TMTC2: variants seen among roughly 807,000 people sequenced by gnomAD.
The protein encoded by TMTC2 is protein O-mannosyl-transferase TMTC2.
Under a neutral mutation model 82.4 loss-of-function variants are expected in TMTC2, and 43 were observed. The observed-to-expected ratio is 0.52, with a 90% CI of 0.41 to 0.67. The LOEUF (loss-of-function observed/expected upper bound fraction) is 0.67, where lower values mean the gene tolerates loss of function less well. TMTC2 is among the 30% of genes least tolerant of loss of function. TMTC2 has a pLI of 0.00. For missense variants in TMTC2, 919 were observed against 1,012.4 expected (o/e 0.91, Z 1.25); for synonymous variants, 408 against 381.9 (o/e 1.07, Z -0.80).
intron 1 of TMTC2, among the ~76,000 whole-genome samples, chr12:82,818,576 A>G (rs1868889907): frequency 1.3e-5 from 2 of 152,170 alleles, no homozygotes; most frequent in African/African-American, 4.8e-5. Context: ...TTTCCTGTGT[A>G]AATGTAAAGG....
intron 7 of TMTC2, among the ~76,000 whole-genome samples, chr12:82,973,386 C>T (rs779672586): frequency 4.6e-5 from 7 of 151,898 alleles, no homozygotes; most frequent in African/African-American, 7.3e-5. Context: ...ATATAGAGTT[C>T]GCCAGTCCAG....
chr12:82,743,578 C>T (rs1375732787), intron 1 of TMTC2, among the ~76,000 whole-genome samples: 1 of 152,168 alleles, frequency 6.6e-6, no homozygotes, highest in Non-Finnish European at 1.5e-5. Flanking sequence ...ACCCACCTTC[C>T]CTTTCAACCA....
chr12:83,012,563 GGT>G (rs1880507107), intron 8 of TMTC2, among the ~76,000 whole-genome samples: 1 of 152,082 alleles, frequency 6.6e-6, no homozygotes, highest in Non-Finnish European at 1.5e-5. Context: ...AAAATAACAT[GGT>G]AGTCCTATGA....
At position 82,930,803 on chromosome 12, in the gene TMTC2, T is replaced by A. The variant is rs534871765; in HGVS notation, c.1598+258T>A. ...GTATGCCATGTAACATAAATATTGG[T>A]TTAAATATTTTTTAGTTCTTAAAAT... On this transcript the variant is annotated intron_variant, in intron 4 of 11. Coordinates refer to ENST00000321196, the MANE Select transcript of TMTC2 (RefSeq NM_152588.3). Among the ~76,000 whole-genome samples the A allele has an allele frequency of 3.9e-5, 6 of 152,346 alleles. No individual in the cohort carries two copies. In the East Asian group the frequency reaches 1.2e-3, roughly 29 times the overall value.
At chr12:82,889,880 G>A (rs1257619465) in intron 2 of TMTC2, among the ~76,000 whole-genome samples, 1 of 151,780 alleles carries the variant, frequency 6.6e-6, no homozygotes, top group Non-Finnish European at 1.5e-5. Flanking sequence ...TTACCATATT[G>A]AAATTTATAT....
intron 7 of TMTC2, among the ~76,000 whole-genome samples, 164 bp downstream of exon 7, chr12:82,967,161 C>CT (rs1261738476): frequency 6.6e-6 from 1 of 152,098 alleles, no homozygotes; most frequent in Non-Finnish European, 1.5e-5. Flanking sequence ...CATATTTATT[C>CT]TGACATGACA....
At chr12:83,067,029 A>C (rs1882943884) in intron 11 of TMTC2, among the ~76,000 whole-genome samples, 1 of 151,974 alleles carries the variant, frequency 6.6e-6, no homozygotes, top group Non-Finnish European at 1.5e-5. Flanking sequence ...AATGGAGGGA[A>C]TATACAAAAG....
intron 3 of TMTC2, among the ~76,000 whole-genome samples, chr12:82,905,073 T>C (rs1467391887): frequency 6.6e-6 from 1 of 151,446 alleles, no homozygotes; most frequent in African/African-American, 2.4e-5. Context: ...GGTCAATAAA[T>C]ATACAATTGA....
intron 8 of TMTC2, among the ~76,000 whole-genome samples, chr12:83,007,443 T>C (rs1880255373): frequency 6.6e-6 from 1 of 152,180 alleles, no homozygotes; most frequent in Non-Finnish European, 1.5e-5. Context: ...ATTATATTTC[T>C]TTAAAAATTT....
chr12:83,048,437 T>C (rs1176028313), intron 9 of TMTC2, among the ~76,000 whole-genome samples: 1 of 152,190 alleles, frequency 6.6e-6, no homozygotes, highest in Non-Finnish European at 1.5e-5. Flanking sequence ...CAAGAATTAG[T>C]GTTTATTTGT....
In TMTC2 at chr12:82,791,426, A is replaced by G. The variant is rs183606625; in HGVS notation, c.84-65584A>G. On this transcript the variant is annotated intron_variant, in intron 1 of 11. Transcript: ENST00000321196. ...AATGGTGAAATTAAGACAGGCAGATACTCTCAGATATAAGAATCAGACCTA... is the reference window on the plus strand; with the variant it reads ...AATGGTGAAATTAAGACAGGCAGATGCTCTCAGATATAAGAATCAGACCTA... 4.1e-3 allele frequency among the ~76,000 whole-genome samples: 623 copies of G among 152,214 alleles called. 8 individuals are homozygous for G. Among genetic ancestry groups the G allele is most frequent in the Admixed American group, 7.7e-3 (118 of 15,288 alleles).
chr12:83,014,687 G>C (rs1880597416), intron 8 of TMTC2, among the ~76,000 whole-genome samples: 1 of 151,484 alleles, frequency 6.6e-6, no homozygotes, highest in African/African-American at 2.4e-5. Flanking sequence ...GTTTGCCTCT[G>C]AGTAAATAGA....
intron 2 of TMTC2, among the ~76,000 whole-genome samples, chr12:82,866,263 A>AC (rs1314165484): frequency 1.6e-4 from 24 of 151,074 alleles, no homozygotes; most frequent in East Asian, 5.8e-4. Context: ...AAAAAAAAAA[A>AC]CAAAAAACTT....
intron 1 of TMTC2, among the ~76,000 whole-genome samples, chr12:82,775,074 A>G (rs894911642): frequency 5.9e-5 from 9 of 152,086 alleles, no homozygotes; most frequent in African/African-American, 2.2e-4. Context: ...TTATTTTACT[A>G]TTAGTAACAC....
chr12:83,017,416 CT>C (rs1880724494), intron 8 of TMTC2, among the ~76,000 whole-genome samples: 1 of 152,214 alleles, frequency 6.6e-6, no homozygotes. Flanking sequence ...ACAATTTAGA[CT>C]TTCAGTACAT....
intron 1 of TMTC2, among the ~76,000 whole-genome samples, chr12:82,770,881 C>G (rs1257999531): frequency 2.0e-5 from 3 of 152,142 alleles, no homozygotes; most frequent in African/African-American, 7.2e-5. Context: ...TACCAAATGT[C>G]TCGATCACCA....
At position 82,896,351 on chromosome 12, in the gene TMTC2, G is replaced by A; in HGVS notation, c.1188G>A (p.Leu396=). 6.2e-7 allele frequency: 1 copy of A among 1,614,118 alleles called. No individual in the cohort carries two copies. The highest frequency in any genetic ancestry group is 8.5e-7 in the Non-Finnish European group (1 of 1,180,026). Residue 396 remains leucine (L), a synonymous_variant, in exon 3 of 12, where the codon CTG becomes CTA. Coordinates refer to ENST00000321196, the MANE Select transcript of TMTC2 (RefSeq NM_152588.3). The stretch of plus-strand genomic sequence containing the variant: ...CTTCTACGGAGAACATTGTTGTTCT[G>A]TCTTTATCTTTGTTAATCATACCCT... ...QLPSTENIVV[L]SLSLLIIPFV...
chr12:82,990,305 T>C (rs1036358241), intron 8 of TMTC2, among the ~76,000 whole-genome samples: 2 of 152,188 alleles, frequency 1.3e-5, no homozygotes, highest in Non-Finnish European at 2.9e-5. Context: ...AAATATTGAT[T>C]ATTAGTACTT....
At chr12:82,834,611 G>A (rs754338863) in intron 1 of TMTC2, among the ~76,000 whole-genome samples, 2 of 152,096 alleles carry the variant, frequency 1.3e-5, no homozygotes, top group Non-Finnish European at 2.9e-5. Context: ...CCAAGTCACC[G>A]TTTACTGGAT....
Sources: allele counts gnomAD v4.1 joint callset (sites outside exome capture counted in the v4.1 genomes callset), GRCh38; gene constraint gnomAD v4.1.1; transcripts MANE v1.5; gene names NCBI Gene and HGNC (gene_info 2026-07-23, HGNC 2026-07-21).